Variants in TPST1 observed in about 807,000 individuals in gnomAD.
The protein encoded by TPST1 is tyrosylprotein sulfotransferase 1, also known as protein-tyrosine sulfotransferase 1.
A neutral mutation model predicts 34.8 loss-of-function variants in TPST1; 20 were observed. That is an observed-to-expected ratio of 0.57 (90% CI 0.40 to 0.84). The LOEUF (loss-of-function observed/expected upper bound fraction) is 0.84, where lower values mean the gene tolerates loss of function less well. Ranked by LOEUF, TPST1 falls within the 40% of genes least tolerant of loss-of-function variation. TPST1 has a pLI of 0.00. For synonymous variants in TPST1, 152 were observed against 159.4 expected, an observed-to-expected ratio of 0.95 and a Z score of 0.35; for missense variants, 353 against 455.5, an observed-to-expected ratio of 0.78 and a Z score of 2.05.
At chr7:66,326,267 G>T (rs1042914345) in intron 3 of TPST1, among the ~76,000 whole-genome samples, 1 of 152,162 alleles carries the variant, frequency 6.6e-6, no homozygotes, top group Admixed American at 6.5e-5. Context: ...CAGTGAAGAA[G>T]ATAGATTTAC....
intron 3 of TPST1, among the ~76,000 whole-genome samples, chr7:66,321,068 C>T (rs1791746769): frequency 2.0e-5 from 3 of 152,124 alleles, no homozygotes; most frequent in African/African-American, 7.2e-5. Flanking sequence ...TTCCCAAGAC[C>T]ACTCATAGTA....
chr7:66,222,692 T>G (rs1789569510), intron 1 of TPST1, among the ~76,000 whole-genome samples: 1 of 151,968 alleles, frequency 6.6e-6, no homozygotes, highest in Non-Finnish European at 1.5e-5. Flanking sequence ...TGGAGGGGTC[T>G]GATGTCAATG....
At chr7:66,286,948 C>A (rs2115943607) in intron 3 of TPST1, among the ~76,000 whole-genome samples, 1 of 140,948 alleles carries the variant, frequency 7.1e-6, no homozygotes, top group African/African-American at 2.6e-5. Context: ...TGGTGCGCTG[C>A]ACCCACTAAT....
At chr7:66,340,200 C>T (rs1007251837) in intron 3 of TPST1, among the ~76,000 whole-genome samples, 12 of 150,924 alleles carry the variant, frequency 8.0e-5, no homozygotes, top group African/African-American at 2.4e-4. Context: ...GGTGATAGAG[C>T]GAGACTTTAT....
chr7:66,200,723 G>A (rs1289616949), upstream of TPST1, among the ~76,000 whole-genome samples: 1 of 151,548 alleles, frequency 6.6e-6, no homozygotes, highest in African/African-American at 2.4e-5. Context: ...CCCGACCGAG[G>A]TTATCTTTTT....
chr7:66,315,240 G>A (rs1005342676), intron 3 of TPST1, among the ~76,000 whole-genome samples: 7 of 152,256 alleles, frequency 4.6e-5, no homozygotes, highest in Non-Finnish European at 8.8e-5. Context: ...ACTAGCAACA[G>A]TGGGAAGCCA....
At chr7:66,352,603 C>A in intron 4 of TPST1, 48 bp downstream of exon 4, 1 of 1,586,398 alleles carries the variant, frequency 6.3e-7, no homozygotes, top group Non-Finnish European at 8.5e-7. Flanking sequence ...TTGGCTCTTG[C>A]ATTGAAGTAA....
chr7:66,230,741 C>T (rs761114343), intron 1 of TPST1, among the ~76,000 whole-genome samples: 1 of 152,120 alleles, frequency 6.6e-6, no homozygotes. Context: ...GGGACCCGAG[C>T]GGGTTGCCAC....
chr7:66,218,125 C>T (rs766226284), intron 1 of TPST1, among the ~76,000 whole-genome samples: 21 of 152,132 alleles, frequency 1.4e-4, no homozygotes, highest in African/African-American at 4.8e-4. Context: ...GTGATCTGCC[C>T]GCCTTGGCCT....
chr7:66,293,623 G>T (rs1791132765), intron 3 of TPST1, among the ~76,000 whole-genome samples: 1 of 152,220 alleles, frequency 6.6e-6, no homozygotes, highest in Admixed American at 6.5e-5. Context: ...ATTTTGCTCA[G>T]TTTCTAGGAA....
Position 66,231,713 on chromosome 7 carries a change from C to T in TPST1, c.-101-8612C>T, listed in dbSNP as rs180895668. On this transcript the variant is annotated intron_variant, in intron 1 of 5. Coordinates refer to ENST00000304842, the MANE Select transcript of TPST1 (RefSeq NM_003596.4). Reference sequence around the variant, plus strand: ...CACGGGCAGCACTGGTTCCCGCTCGCGCCTCTCCCTCCACACCACCCTGCA... The same window carrying T: ...CACGGGCAGCACTGGTTCCCGCTCGTGCCTCTCCCTCCACACCACCCTGCA... Among the ~76,000 whole-genome samples, 326 of 152,362 alleles carry T rather than the reference C, an allele frequency of 2.1e-3. 2 individuals are homozygous for T. Among genetic ancestry groups the T allele is most frequent in the African/African-American group, 7.6e-3 (317 of 41,590 alleles).
At chr7:66,278,807 A>AT (rs1168897205) in intron 2 of TPST1, among the ~76,000 whole-genome samples, 3 of 152,314 alleles carry the variant, frequency 2.0e-5, no homozygotes, top group Admixed American at 6.5e-5. Context: ...CAAAAAAAAA[A>AT]AAAGTTTATC....
intron 2 of TPST1, among the ~76,000 whole-genome samples, chr7:66,280,330 G>T (rs536638561): frequency 6.6e-6 from 1 of 152,296 alleles, no homozygotes; most frequent in South Asian, 2.1e-4. Context: ...CAGATCTTGG[G>T]CCATCTTCTT....
chr7:66,215,559 A>G (rs1789380002), intron 1 of TPST1, among the ~76,000 whole-genome samples: 1 of 150,870 alleles, frequency 6.6e-6, no homozygotes, highest in African/African-American at 2.4e-5. Flanking sequence ...TATTTTTAGT[A>G]GAGATGGGGT....
intron 1 of TPST1, among the ~76,000 whole-genome samples, chr7:66,215,754 T>C (rs1789388270): frequency 6.7e-6 from 1 of 149,168 alleles, no homozygotes; most frequent in Non-Finnish European, 1.5e-5. Flanking sequence ...AGCCATCTTG[T>C]CCTGGTTTTT....
intron 3 of TPST1, among the ~76,000 whole-genome samples, chr7:66,324,221 T>G (rs2116221953): frequency 6.6e-6 from 1 of 152,226 alleles, no homozygotes; most frequent in African/African-American, 2.4e-5. Context: ...AGATAGAAAG[T>G]AGAATGGAGG....
chr7:66,243,198 ACTTT>A (rs1790073648), intron 2 of TPST1, among the ~76,000 whole-genome samples: 1 of 151,884 alleles, frequency 6.6e-6, no homozygotes, highest in Non-Finnish European at 1.5e-5. Context: ...TTTAACAGAT[ACTTT>A]CTAACAGTTT....
chr7:66,358,596 A>C (rs1218997406), intron 5 of TPST1, among the ~76,000 whole-genome samples: 1 of 152,320 alleles, frequency 6.6e-6, no homozygotes, highest in East Asian at 1.9e-4. Flanking sequence ...TAGACATAAG[A>C]AGCACATGGA....
chr7:66,302,165 A>C (rs1411372684), intron 3 of TPST1, among the ~76,000 whole-genome samples: 1 of 152,190 alleles, frequency 6.6e-6, no homozygotes, highest in Non-Finnish European at 1.5e-5. Context: ...CAAATTTGAC[A>C]GTGAATCAAG....
Sources: gnomAD v4.1 joint callset for allele counts (sites outside exome capture counted in the v4.1 genomes callset) on GRCh38, gnomAD v4.1.1 for gene constraint, MANE v1.5 for transcripts, NCBI Gene and HGNC (gene_info 2026-07-23, HGNC 2026-07-21) for gene names.